TTC27: variants seen among roughly 807,000 people sequenced by gnomAD.
TTC27 encodes tetratricopeptide repeat domain 27.
TTC27 carries 79 observed loss-of-function variants against 115.9 expected under a neutral mutation model. That is an observed-to-expected ratio of 0.68 (90% confidence interval 0.57 to 0.82). The LOEUF is 0.82. Among genes scored for constraint, TTC27 ranks in the 40% least tolerant of loss-of-function variants. The pLI is 0.00. For missense variants in TTC27, 1,054 were observed against 993.1 expected, an observed-to-expected ratio of 1.06 and a Z score of -0.82; for synonymous variants, 401 against 356.0, an observed-to-expected ratio of 1.13 and a Z score of -1.42.
intron 9 of TTC27, among the ~76,000 whole-genome samples, chr2:32,698,432 A>G (rs912213709): frequency 1.3e-5 from 2 of 149,370 alleles, no homozygotes; most frequent in Non-Finnish European, 3.0e-5. Flanking sequence ...ACCCAGCCAT[A>G]AAGTTATTAT....
At chr2:32,678,982 T>C in intron 9 of TTC27, 60 bp downstream of exon 9, 1 of 1,447,236 alleles carries the variant, frequency 6.9e-7, no homozygotes, top group East Asian at 2.3e-5. Context: ...CTTCCTCTGG[T>C]ATGGTCTTGC....
chr2:32,802,911 C>T (rs1002530017), intron 16 of TTC27, among the ~76,000 whole-genome samples: 2 of 152,216 alleles, frequency 1.3e-5, no homozygotes, highest in African/African-American at 4.8e-5. Flanking sequence ...CTCTTTTTCA[C>T]ATAGTCTATT....
At chr2:32,642,427 A>G (rs2151864539) in intron 4 of TTC27, among the ~76,000 whole-genome samples, 1 of 150,814 alleles carries the variant, frequency 6.6e-6, no homozygotes. Flanking sequence ...AATTTTTTGT[A>G]TTTTTAGTAG....
rs542290311 is a variant in TTC27 at position 32,640,834 on chromosome 2, T to A, written c.537+424T>A. On this transcript the variant is annotated intron_variant, in intron 4 of 19. Transcript: ENST00000317907. ...CCCATCTCTACTAAAAATACAAAAT[T>A]AGCTGGGCGCAGTGGCGTGCACCTG... 2.6e-5 allele frequency among the ~76,000 whole-genome samples: 4 copies of A among 152,004 alleles called. No homozygotes were observed. In the South Asian group the frequency reaches 8.3e-4, roughly 32 times the overall value.
chr2:32,694,674 CTTTTTTT>C (rs200028307), intron 9 of TTC27, among the ~76,000 whole-genome samples: 24 of 135,554 alleles, frequency 1.8e-4, no homozygotes, highest in African/African-American at 1.6e-4. Flanking sequence ...ATTCCTATTT[CTTTTTTT>C]TTTTTTTTTT....
At position 32,678,819 on chromosome 2, in the gene TTC27, T is replaced by A. The variant is rs768276612; in HGVS notation, c.1053-37T>A. On this transcript the variant is annotated intron_variant, in intron 8 of 19. Transcript: ENST00000317907. ...TATATTTCATTAGCTACAACATGCATCTTATAATTAATTTACCTTTTTTTC... is the reference window on the plus strand; with the variant it reads ...TATATTTCATTAGCTACAACATGCAACTTATAATTAATTTACCTTTTTTTC... 5 of 1,460,608 alleles carry A rather than the reference T, an allele frequency of 3.4e-6. No individual in the cohort carries two copies. The East Asian group carries it at 9.1e-5, about 27-fold the overall frequency. The allele number at this position is 1,460,608 out of a possible 1,614,324, so 90.5% of individuals were successfully genotyped here.
chr2:32,629,225 G>A lies in TTC27; in HGVS notation c.88+845G>A, dbSNP rs370859393. 5.3e-5 allele frequency among the ~76,000 whole-genome samples: 8 copies of A among 151,422 alleles called. No homozygotes were observed. In the East Asian group the frequency reaches 1.4e-3, roughly 26 times the overall value. Reference sequence around the variant, plus strand: ...CAACCTCCGCTTCCCCGGTTCAAGCGATTCTCCTGCTTCAGCCTCCAAAGT... The same window carrying A: ...CAACCTCCGCTTCCCCGGTTCAAGCAATTCTCCTGCTTCAGCCTCCAAAGT... On this transcript the variant is annotated intron_variant, in intron 1 of 19. Transcript: ENST00000317907.
At chr2:32,705,284 C>T (rs1048365840) in intron 10 of TTC27, among the ~76,000 whole-genome samples, 1 of 152,134 alleles carries the variant, frequency 6.6e-6, no homozygotes, top group Non-Finnish European at 1.5e-5. Context: ...TCATCAGTAG[C>T]TGAGGTACAT....
chr2:32,681,962 TTA>T (rs1666439777), intron 9 of TTC27, among the ~76,000 whole-genome samples: 2 of 145,364 alleles, frequency 1.4e-5, no homozygotes, highest in South Asian at 4.4e-4. Flanking sequence ...TTATAATTAT[TTA>T]TATATATGTA....
Position 32,747,945 on chromosome 2 carries a change from G to C in TTC27, c.1453-10347G>C, listed in dbSNP as rs144454762. The stretch of plus-strand genomic sequence containing the variant: ...TTTTTGATTTTCTCTATTATTTTTT[G>C]ATCCTCTGTTTTTTAAATTTATACC... On this transcript the variant is annotated intron_variant, in intron 12 of 19. Coordinates refer to ENST00000317907, the MANE Select transcript of TTC27 (RefSeq NM_017735.5). Among the ~76,000 whole-genome samples the C allele has an allele frequency of 4.5e-3, 687 of 151,384 alleles. 6 individuals carry two copies. The highest frequency in any genetic ancestry group is 0.016 in the African/African-American group (643 of 41,310).
At chr2:32,629,473 C>G (rs1230583207) in intron 1 of TTC27, among the ~76,000 whole-genome samples, 1 of 149,908 alleles carries the variant, frequency 6.7e-6, no homozygotes, top group East Asian at 2.0e-4. Context: ...CTCGCTCTGT[C>G]GCCTAGGCTG....
At chr2:32,732,045 A>C (rs1332225743) in intron 10 of TTC27, among the ~76,000 whole-genome samples, 1 of 148,912 alleles carries the variant, frequency 6.7e-6, no homozygotes, top group Non-Finnish European at 1.5e-5. Flanking sequence ...GGAGAGCATT[A>C]GTTATTTTTT....
chr2:32,719,358 G>C (rs116583273), intron 10 of TTC27, among the ~76,000 whole-genome samples: 2 of 152,236 alleles, frequency 1.3e-5, no homozygotes, highest in East Asian at 3.9e-4. Flanking sequence ...GGAATAGCAG[G>C]GTCAGAAAGA....
rs76432974 is a variant in TTC27 at position 32,647,252 on chromosome 2, G to A, written c.538-2879G>A. On this transcript the variant is annotated intron_variant, in intron 4 of 19. Coordinates refer to ENST00000317907, the MANE Select transcript of TTC27 (RefSeq NM_017735.5). Reference sequence around the variant, plus strand: ...CACCGTGCCTGGCCTTGTATTATGTGTTTTCTTAAAAGTGAAATCTTTTTG... The same window carrying A: ...CACCGTGCCTGGCCTTGTATTATGTATTTTCTTAAAAGTGAAATCTTTTTG... 5.4e-4 allele frequency among the ~76,000 whole-genome samples: 82 copies of A among 152,158 alleles called. No homozygotes were observed. In the East Asian group the frequency reaches 0.015, roughly 28 times the overall value.
chr2:32,669,338 T>G (rs117668520), intron 7 of TTC27, among the ~76,000 whole-genome samples: 1 of 152,216 alleles, frequency 6.6e-6, no homozygotes, highest in South Asian at 2.1e-4. Flanking sequence ...CAGATAATCT[T>G]ATGGTCTTTG....
intron 10 of TTC27, among the ~76,000 whole-genome samples, chr2:32,728,232 A>T (rs1668176042): frequency 6.6e-6 from 1 of 151,880 alleles, no homozygotes; most frequent in Admixed American, 6.6e-5. Context: ...TAGTAGAGAC[A>T]GGGCTTCACC....
intron 5 of TTC27, among the ~76,000 whole-genome samples, chr2:32,658,205 C>G (rs1209325171): frequency 6.6e-6 from 1 of 152,210 alleles, no homozygotes; most frequent in South Asian, 2.1e-4. Context: ...TCACTGCAAC[C>G]TCAACCTCCT....
At chr2:32,813,529 A>G (rs181513082) in intron 18 of TTC27, among the ~76,000 whole-genome samples, 227 of 152,356 alleles carry the variant, frequency 1.5e-3, no homozygotes, top group Non-Finnish European at 2.3e-3. Context: ...CCCATGAAGA[A>G]TAAATGAAAA....
At chr2:32,715,164 T>C (rs568887007) in intron 10 of TTC27, among the ~76,000 whole-genome samples, 31 of 152,308 alleles carry the variant, frequency 2.0e-4, no homozygotes, top group Admixed American at 3.3e-4. Context: ...ACATTCAGAA[T>C]AGTACTTTCT....
Sources: gnomAD v4.1 joint callset for allele counts (sites outside exome capture counted in the v4.1 genomes callset) on GRCh38, gnomAD v4.1.1 for gene constraint, MANE v1.5 for transcripts, NCBI Gene and HGNC (gene_info 2026-07-23, HGNC 2026-07-21) for gene names.